Variants in DDX10 observed in about 807,000 individuals in gnomAD.
The protein encoded by DDX10 is DEAD-box helicase 10.
A neutral mutation model predicts 104.3 loss-of-function variants in DDX10; 74 were observed. The ratio of observed to expected loss-of-function variants is 0.71; its 90% CI spans 0.59 to 0.86. DDX10 has a LOEUF of 0.86. Among genes scored for constraint, DDX10 ranks in the 40% least tolerant of loss-of-function variants. DDX10 has a pLI of 0.00. For missense variants in DDX10, 952 were observed against 1,040.0 expected, an observed-to-expected ratio of 0.92 and a Z score of 1.16; for synonymous variants, 351 against 353.4, an observed-to-expected ratio of 0.99 and a Z score of 0.08.
intron 6 of DDX10, 141 bp downstream of exon 6, chr11:108,679,701 A>T: frequency 1.8e-6 from 1 of 561,158 alleles, no homozygotes; most frequent in East Asian, 3.2e-5. Context: ...TATACCAGTT[A>T]AAATTACCCA....
intron 16 of DDX10, among the ~76,000 whole-genome samples, chr11:108,867,208 G>A (rs957427382): frequency 3.9e-4 from 60 of 152,044 alleles, no homozygotes; most frequent in African/African-American, 1.4e-3. Context: ...TAAAATAGAG[G>A]GTTTTGAATA....
At chr11:108,939,959 C>T (rs1216220866) in intron 17 of DDX10, among the ~76,000 whole-genome samples, 4 of 152,118 alleles carry the variant, frequency 2.6e-5, no homozygotes, top group Non-Finnish European at 5.9e-5. Flanking sequence ...ACCTGTGGTG[C>T]ATCTCAGTGT....
At chr11:108,859,535 G>T (rs1367606930) in intron 16 of DDX10, among the ~76,000 whole-genome samples, 4 of 152,164 alleles carry the variant, frequency 2.6e-5, no homozygotes, top group African/African-American at 9.7e-5. Context: ...AGTCTGTTCA[G>T]TTGGGTGGTC....
At chr11:108,910,094 G>C (rs1363341033) in intron 16 of DDX10, among the ~76,000 whole-genome samples, 1 of 150,792 alleles carries the variant, frequency 6.6e-6, no homozygotes, top group Non-Finnish European at 1.5e-5. Context: ...AAAAAAAAAG[G>C]CTTGGGGGCC....
chr11:108,841,384 G>A lies in DDX10; in HGVS notation c.2155G>A (p.Gly719Ser), dbSNP rs1412928488. 7 of 1,613,484 alleles carry A rather than the reference G, an allele frequency of 4.3e-6. No individual in the cohort carries two copies. The highest frequency in any genetic ancestry group is 5.9e-6 in the Non-Finnish European group (7 of 1,179,772). ...TGCTGAGGAAGATGATGACACAGGT[G>A]GTATCAACTTACATAAAGCAAAGGA... ...KDAEEDDDTG[G>S]INLHKAKERL... Residue 719 changes from glycine to serine, a missense_variant, in exon 15 of 18, where the codon GGT (glycine) becomes AGT (serine). By Grantham distance (56) the Gly-to-Ser change is moderately conservative (BLOSUM62 0). Around this residue, in one of 3 missense-constraint regions of DDX10, gnomAD observed 533 missense variants for 534.1 expected, o/e 1.00. Coordinates refer to ENST00000322536, the MANE Select transcript of DDX10 (RefSeq NM_004398.4).
chr11:108,870,916 T>G (rs1458708291), intron 16 of DDX10, among the ~76,000 whole-genome samples: 1 of 152,224 alleles, frequency 6.6e-6, no homozygotes, highest in Admixed American at 6.5e-5. Context: ...GTTTCTTGTT[T>G]TCACTGTGAC....
intron 13 of DDX10, among the ~76,000 whole-genome samples, chr11:108,811,392 A>G (rs767141493): frequency 1.3e-5 from 2 of 152,120 alleles, no homozygotes; most frequent in South Asian, 4.2e-4. Flanking sequence ...TAAAAGGATC[A>G]TGGGGCACAG....
intron 13 of DDX10, among the ~76,000 whole-genome samples, chr11:108,738,079 C>G (rs2094320540): frequency 6.6e-6 from 1 of 151,920 alleles, no homozygotes; most frequent in South Asian, 2.1e-4. Flanking sequence ...ATAATGCTCT[C>G]TCCTGTGGTT....
intron 4 of DDX10, among the ~76,000 whole-genome samples, 181 bp from the exon 5 acceptor site, chr11:108,678,134 G>A (rs1177285980): frequency 6.6e-6 from 1 of 152,030 alleles, no homozygotes; most frequent in African/African-American, 2.4e-5. Flanking sequence ...TTCCTGTAAA[G>A]ACTTTTATTT....
At chr11:108,747,383 G>A (rs2094333061) in intron 13 of DDX10, among the ~76,000 whole-genome samples, 1 of 152,116 alleles carries the variant, frequency 6.6e-6, no homozygotes, top group South Asian at 2.1e-4. Context: ...GGCTCAGTTG[G>A]CCAGAGTGCA....
intron 13 of DDX10, among the ~76,000 whole-genome samples, chr11:108,776,225 G>T (rs556966322): frequency 6.6e-6 from 1 of 152,130 alleles, no homozygotes; most frequent in Non-Finnish European, 1.5e-5. Context: ...TTCAGCGAGG[G>T]TCAGCTAAAA....
intron 1 of DDX10, among the ~76,000 whole-genome samples, chr11:108,672,540 G>A (rs1255383273): frequency 6.6e-6 from 1 of 152,212 alleles, no homozygotes; most frequent in Non-Finnish European, 1.5e-5. Context: ...TTTCAGCATT[G>A]GAGGGCACAG....
chr11:108,779,404 G>A (rs1042619313), intron 13 of DDX10, among the ~76,000 whole-genome samples: 12 of 152,212 alleles, frequency 7.9e-5, no homozygotes, highest in East Asian at 1.9e-4. Context: ...GGATGAAGCC[G>A]GAAACCATAA....
chr11:108,673,408 A>G lies in DDX10; in HGVS notation c.187-59A>G, dbSNP rs1327810025. On this transcript the variant is annotated intron_variant, in intron 1 of 17. Transcript: ENST00000322536. ...TGAGCTGGGCAATACAATGTAGAGA[A>G]GAAATGGCTGTGTCGTGAAACAAAT... 4 of 1,133,460 alleles carry G rather than the reference A, an allele frequency of 3.5e-6. No individual in the cohort carries two copies. In the East Asian group the frequency reaches 9.5e-5, roughly 27 times the overall value. 70.2% of individuals were successfully genotyped at this position (1,133,460 alleles called of 1,614,324 possible). A position where few individuals can be genotyped will look rare whatever the true frequency, so the allele number is the denominator to read the frequency against.
At chr11:108,707,150 C>T (rs2094277264) in intron 10 of DDX10, among the ~76,000 whole-genome samples, 1 of 152,126 alleles carries the variant, frequency 6.6e-6, no homozygotes, top group South Asian at 2.1e-4. Context: ...CACTAGGGTT[C>T]ATTCTTGGTG....
At chr11:108,886,959 A>T (rs574980624) in intron 16 of DDX10, among the ~76,000 whole-genome samples, 2 of 152,310 alleles carry the variant, frequency 1.3e-5, no homozygotes, top group South Asian at 4.1e-4. Flanking sequence ...GTAATGAAAC[A>T]TTACTGTATT....
intron 13 of DDX10, among the ~76,000 whole-genome samples, chr11:108,831,197 A>C: frequency 6.6e-6 from 1 of 152,064 alleles, no homozygotes; most frequent in East Asian, 1.9e-4. Context: ...CGAGGTCAAG[A>C]GATTGAGACC....
At chr11:108,814,147 T>G (rs1472918818) in intron 13 of DDX10, among the ~76,000 whole-genome samples, 1 of 152,178 alleles carries the variant, frequency 6.6e-6, no homozygotes, top group Non-Finnish European at 1.5e-5. Context: ...TAGGGTAATA[T>G]GTATTCCAGA....
chr11:108,679,671 G>GT, intron 6 of DDX10, 111 bp downstream of exon 6: 1 of 771,896 alleles, frequency 1.3e-6, no homozygotes. Context: ...TGAGTTATTG[G>GT]TTATGCAAAG....
Sources: gnomAD v4.1 joint callset for allele counts (sites outside exome capture counted in the v4.1 genomes callset) on GRCh38, gnomAD v4.1.1 for gene constraint, gnomAD v4.1.1 regional missense constraint, MANE v1.5 for transcripts, NCBI Gene and HGNC (gene_info 2026-07-23, HGNC 2026-07-21) for gene names.